The following ZNF280C variants were observed in gnomAD, a reference collection of about 807,000 sequenced individuals.
ZNF280C encodes zinc finger protein 280C, also known as suppressor of hairy wing homolog 3.
In ZNF280C, 14 loss-of-function variants were observed where a neutral mutation model predicts 53.6. The observed-to-expected ratio is 0.26, with a 90% CI of 0.17 to 0.41. The LOEUF is 0.41. ZNF280C is among the 10% of genes least tolerant of loss of function. ZNF280C has a pLI of 1.00. For synonymous variants in ZNF280C, 203 were observed against 181.1 expected, an observed-to-expected ratio of 1.12 and a Z score of -0.97; for missense variants, 416 against 547.1, an observed-to-expected ratio of 0.76 and a Z score of 2.39.
At chrX:130,263,991 T>C (rs209207) in intron 1 of ZNF280C, among the ~76,000 whole-genome samples, 50,790 of 96,011 alleles carry the variant, frequency 0.53, 12,708 homozygotes, top group African/African-American at 0.85. Context: ...CACCACTGCA[T>C]TCCAGCCTGG....
At chrX:130,244,363 G>T (rs757478587) in intron 3 of ZNF280C, among the ~76,000 whole-genome samples, 3 of 111,949 alleles carry the variant, frequency 2.7e-5, no homozygotes, top group African/African-American at 9.7e-5. Context: ...TTACTGAGGA[G>T]TCAAATTGAA....
chrX:130,235,351 C>T (rs1165248176), intron 8 of ZNF280C, among the ~76,000 whole-genome samples: 2 of 111,628 alleles, frequency 1.8e-5, no homozygotes, highest in Admixed American at 9.5e-5. Context: ...CCCGTCTCTA[C>T]TAAAAATACA....
At chrX:130,205,929 C>T (rs183371439) in intron 16 of ZNF280C, among the ~76,000 whole-genome samples, 37 of 109,929 alleles carry the variant, frequency 3.4e-4, no homozygotes, top group Admixed American at 1.1e-3. Flanking sequence ...TCAAATTACG[C>T]TAACATTTAG....
intron 6 of ZNF280C, among the ~76,000 whole-genome samples, chrX:130,236,874 T>C (rs1193359120): frequency 9.0e-6 from 1 of 111,213 alleles, no homozygotes; most frequent in Non-Finnish European, 1.9e-5. Context: ...GAACTACATA[T>C]CTTTACTTCA....
intron 2 of ZNF280C, among the ~76,000 whole-genome samples, chrX:130,251,302 A>AAAAAAAAAAAAAAAAAAAAAAC (rs2032506526): frequency 1.9e-5 from 2 of 102,680 alleles, no homozygotes; most frequent in African/African-American, 7.1e-5. Flanking sequence ...AAAAAAAAAA[A>AAAAAAAAAAAAAAAAAAAAAAC]AAAAAGACCA....
At chrX:130,218,937 T>C (rs1438026577) in intron 13 of ZNF280C, among the ~76,000 whole-genome samples, 2 of 111,910 alleles carry the variant, frequency 1.8e-5, no homozygotes, top group Admixed American at 1.9e-4. Flanking sequence ...TGAGAGAGGA[T>C]TGTACTGCCT....
At chrX:130,246,739 C>T in intron 3 of ZNF280C, 120 bp downstream of exon 3, 2 of 859,187 alleles carry the variant, frequency 2.3e-6, no homozygotes, top group Non-Finnish European at 3.3e-6. Context: ...GACCTTTACT[C>T]TCCCTCTTAC....
intron 5 of ZNF280C, among the ~76,000 whole-genome samples, chrX:130,241,749 G>A (rs1261945776): frequency 3.6e-5 from 4 of 111,774 alleles, no homozygotes; most frequent in Non-Finnish European, 7.5e-5. Context: ...GGGTGACAGA[G>A]CAAGACCCTG....
At chrX:130,234,089 T>C (rs931514820) in intron 8 of ZNF280C, among the ~76,000 whole-genome samples, 1 of 111,672 alleles carries the variant, frequency 9.0e-6, no homozygotes. Context: ...ATACATGGGT[T>C]TAACTCAACT....
chrX:130,225,512 T>C (rs772765052), intron 12 of ZNF280C, among the ~76,000 whole-genome samples: 115 of 111,223 alleles, frequency 1.0e-3, no homozygotes, highest in Non-Finnish European at 1.6e-3. Context: ...AAAAAACACC[T>C]CTATGAATTT....
chrX:130,223,669 G>A (rs762592125), intron 12 of ZNF280C, among the ~76,000 whole-genome samples: 1 of 112,051 alleles, frequency 8.9e-6, no homozygotes, highest in Non-Finnish European at 1.9e-5. Context: ...TGTTATTAAA[G>A]AGCTAATGAG....
chrX:130,210,281 A>G (rs762432214), intron 15 of ZNF280C, among the ~76,000 whole-genome samples: 2 of 112,329 alleles, frequency 1.8e-5, no homozygotes, highest in South Asian at 3.7e-4. Context: ...TTCTAATGAC[A>G]TATTTCCCTG....
At chrX:130,237,524 A>G (rs894277436) in intron 6 of ZNF280C, among the ~76,000 whole-genome samples, 1 of 111,694 alleles carries the variant, frequency 9.0e-6, no homozygotes, top group Admixed American at 9.6e-5. Flanking sequence ...TATTTAGGCT[A>G]TAACCAGACC....
chrX:130,235,422 G>C (rs2060497684), intron 8 of ZNF280C, among the ~76,000 whole-genome samples: 1 of 111,916 alleles, frequency 8.9e-6, no homozygotes, highest in South Asian at 3.7e-4. Flanking sequence ...GCTGAGGCAG[G>C]AGAATCGCCT....
At chrX:130,234,897 T>C (rs1472501918) in intron 8 of ZNF280C, among the ~76,000 whole-genome samples, 7 of 111,922 alleles carry the variant, frequency 6.3e-5, no homozygotes, top group African/African-American at 2.3e-4. Context: ...TAAACTATAT[T>C]ATGGATTGAG....
chrX:130,265,101 T>C (rs1201698300), intron 1 of ZNF280C, among the ~76,000 whole-genome samples: 1 of 112,003 alleles, frequency 8.9e-6, no homozygotes, highest in Non-Finnish European at 1.9e-5. Flanking sequence ...CCTGAACACA[T>C]GAAGTCCAGG....
chrX:130,210,992 A>G (rs2032033991), intron 15 of ZNF280C, among the ~76,000 whole-genome samples: 1 of 112,372 alleles, frequency 8.9e-6, no homozygotes, highest in Non-Finnish European at 1.9e-5. Flanking sequence ...GCTGATTCTT[A>G]TGCAAGCTAG....
chrX:130,250,443 G>A (rs2032495301), intron 2 of ZNF280C, among the ~76,000 whole-genome samples: 1 of 111,541 alleles, frequency 9.0e-6, no homozygotes, highest in African/African-American at 3.3e-5. Flanking sequence ...AAACAACAAA[G>A]GAGATACAAC....
chrX:130,235,691 C>T lies in ZNF280C; in HGVS notation c.771+523G>A, dbSNP rs770331904. 3.6e-5 allele frequency among the ~76,000 whole-genome samples: 4 copies of T among 112,135 alleles called. No individual in the cohort carries two copies. In the South Asian group the frequency reaches 1.1e-3, roughly 31 times the overall value. ...AGGATGTCTGAGGTATCCATTACCTCGAGTATTTACCATGTCTCTGCGTTG... is the reference window on the plus strand; with the variant it reads ...AGGATGTCTGAGGTATCCATTACCTTGAGTATTTACCATGTCTCTGCGTTG... On this transcript the variant is annotated intron_variant, in intron 8 of 18. Coordinates refer to ENST00000370978, the MANE Select transcript of ZNF280C (RefSeq NM_017666.5).
Sources: gnomAD v4.1 joint callset for allele counts (sites outside exome capture counted in the v4.1 genomes callset) on GRCh38, gnomAD v4.1.1 for gene constraint, MANE v1.5 for transcripts, NCBI Gene and HGNC (gene_info 2026-07-23, HGNC 2026-07-21) for gene names.